CSMD1: variants seen among roughly 807,000 people sequenced by gnomAD.
CSMD1 encodes CUB and sushi domain-containing protein 1.
In CSMD1, 213 loss-of-function variants were observed where a neutral mutation model predicts 417.5. The ratio of observed to expected loss-of-function variants is 0.51; its 90% CI spans 0.46 to 0.57. The LOEUF is 0.57. CSMD1 is among the 20% of genes least tolerant of loss of function. CSMD1 has a pLI of 0.00. For missense variants in CSMD1, 6,923 were observed against 4,529.7 expected (o/e 1.53, Z -15.17); for synonymous variants, 2,862 against 1,736.8 (o/e 1.65, Z -16.11).
intron 6 of CSMD1, among the ~76,000 whole-genome samples, chr8:3,715,937 G>C (rs1427949451): frequency 6.6e-6 from 1 of 152,180 alleles, no homozygotes; most frequent in South Asian, 2.1e-4. Context: ...TACTCCCTGT[G>C]GACATGATGG....
At chr8:4,023,484 G>C (rs1032240809) in intron 4 of CSMD1, among the ~76,000 whole-genome samples, 1 of 152,094 alleles carries the variant, frequency 6.6e-6, no homozygotes, top group African/African-American at 2.4e-5. Flanking sequence ...TGCAATGTTG[G>C]AATCACAGAA....
At chr8:4,551,471 T>C (rs1797865467) in intron 2 of CSMD1, among the ~76,000 whole-genome samples, 1 of 152,132 alleles carries the variant, frequency 6.6e-6, no homozygotes, top group African/African-American at 2.4e-5. Context: ...TTTGACCTGA[T>C]GGTGATATTT....
At chr8:3,336,817 C>T (rs999155173) in intron 23 of CSMD1, among the ~76,000 whole-genome samples, 5 of 152,120 alleles carry the variant, frequency 3.3e-5, no homozygotes, top group African/African-American at 1.2e-4. Context: ...ACAGGCACAG[C>T]TCCTGTCTAA....
intron 5 of CSMD1, among the ~76,000 whole-genome samples, chr8:3,873,025 ATTG>A (rs1252781737): frequency 6.6e-6 from 1 of 152,144 alleles, no homozygotes; most frequent in Non-Finnish European, 1.5e-5. Context: ...ACTACTCAGA[ATTG>A]TTGTTATTAA....
At chr8:4,487,756 T>C (rs1192502595) in intron 2 of CSMD1, among the ~76,000 whole-genome samples, 2 of 152,214 alleles carry the variant, frequency 1.3e-5, no homozygotes, top group African/African-American at 2.4e-5. Context: ...TCTAACTGCC[T>C]TAATCGTCTA....
intron 22 of CSMD1, 95 bp downstream of exon 22, chr8:3,347,897 A>C (rs1404964164): frequency 1.4e-6 from 1 of 703,210 alleles, no homozygotes; most frequent in Non-Finnish European, 2.2e-6. Flanking sequence ...ATATATGTTA[A>C]TATGTGCATA....
intron 5 of CSMD1, among the ~76,000 whole-genome samples, chr8:3,761,191 G>A (rs545269405): frequency 2.0e-5 from 3 of 152,112 alleles, no homozygotes; most frequent in South Asian, 2.1e-4. Flanking sequence ...TAGGAAAAGC[G>A]ACAATGAACT....
chr8:3,705,302 C>A (rs937531724), intron 7 of CSMD1, among the ~76,000 whole-genome samples: 3 of 152,262 alleles, frequency 2.0e-5, no homozygotes, highest in South Asian at 2.1e-4. Flanking sequence ...GATTTTTGTG[C>A]CTTGGAGCAG....
At chr8:3,122,799 T>A (rs1817284525) in intron 41 of CSMD1, among the ~76,000 whole-genome samples, 1 of 152,172 alleles carries the variant, frequency 6.6e-6, no homozygotes. Context: ...CTCTTTTTCT[T>A]CCCAGTCTTG....
intron 2 of CSMD1, among the ~76,000 whole-genome samples, chr8:4,437,732 C>G (rs1331021952): frequency 6.6e-6 from 1 of 152,108 alleles, no homozygotes; most frequent in African/African-American, 2.4e-5. Context: ...CTTGCTTAGG[C>G]TGCCAATGAG....
chr8:3,139,094 A>C (rs1818284305), intron 41 of CSMD1, among the ~76,000 whole-genome samples: 1 of 152,158 alleles, frequency 6.6e-6, no homozygotes, highest in South Asian at 2.1e-4. Flanking sequence ...GCTGGGAAGC[A>C]AAACTGCGAG....
chr8:3,877,311 C>A (rs1805890645), intron 5 of CSMD1, among the ~76,000 whole-genome samples: 1 of 152,162 alleles, frequency 6.6e-6, no homozygotes, highest in Non-Finnish European at 1.5e-5. Flanking sequence ...TGCTGGGAGC[C>A]CTCCAGGTGT....
chr8:3,953,589 T>C (rs916152831), intron 5 of CSMD1, among the ~76,000 whole-genome samples: 1 of 151,956 alleles, frequency 6.6e-6, no homozygotes, highest in Non-Finnish European at 1.5e-5. Context: ...GCTATTAAAG[T>C]GGGTCACTGC....
chr8:4,159,321 C>G (rs1008153449), intron 3 of CSMD1, among the ~76,000 whole-genome samples: 2 of 152,054 alleles, frequency 1.3e-5, no homozygotes, highest in Admixed American at 6.5e-5. Flanking sequence ...AAATTAATGT[C>G]CATTATTAGT....
At position 3,412,657 on chromosome 8, in the gene CSMD1, C is replaced by T. The variant is rs146389960; in HGVS notation, c.1562-3052G>A. Among the ~76,000 whole-genome samples the T allele has an allele frequency of 2.3e-3, 344 of 152,262 alleles. 2 individuals carry two copies. The highest frequency in any genetic ancestry group is 7.5e-3 in the African/African-American group (311 of 41,556). On this transcript the variant is annotated intron_variant, in intron 12 of 69. Transcript: ENST00000635120. The stretch of plus-strand genomic sequence containing the variant: ...ACTGCTAACGTCACACCTCAGGCTA[C>T]CAAACAAAGATGATCCTTACAGAGT...
intron 32 of CSMD1, 40 bp from the exon 33 acceptor site, chr8:3,199,849 C>T: frequency 8.0e-7 from 1 of 1,250,026 alleles, no homozygotes; most frequent in Non-Finnish European, 1.1e-6. Flanking sequence ...AAACACACAG[C>T]ACCGTGGGGG....
At chr8:4,472,934 T>C (rs1010340927) in intron 2 of CSMD1, among the ~76,000 whole-genome samples, 4 of 152,074 alleles carry the variant, frequency 2.6e-5, no homozygotes, top group African/African-American at 9.6e-5. Context: ...TACACTCCAT[T>C]CTATGTAAAT....
At chr8:3,670,503 T>TATATATATATCCC (rs1563254795) in intron 7 of CSMD1, among the ~76,000 whole-genome samples, 1 of 139,954 alleles carries the variant, frequency 7.1e-6, no homozygotes, top group Non-Finnish European at 1.6e-5. Flanking sequence ...ATATATCCCA[T>TATATATATATCCC]ATATATATAT....
chr8:4,525,824 C>T (rs1796485079), intron 2 of CSMD1, among the ~76,000 whole-genome samples: 1 of 152,122 alleles, frequency 6.6e-6, no homozygotes, highest in African/African-American at 2.4e-5. Context: ...CAGCAGGCTT[C>T]CCAGGAGGCC....
Sources: allele counts gnomAD v4.1 joint callset (sites outside exome capture counted in the v4.1 genomes callset), GRCh38; gene constraint gnomAD v4.1.1; transcripts MANE v1.5; gene names NCBI Gene and HGNC (gene_info 2026-07-23, HGNC 2026-07-21).